The following BLZF1 variants were observed in gnomAD, a reference collection of about 807,000 sequenced individuals.
BLZF1 encodes the protein basic leucine zipper nuclear factor 1.
In BLZF1, 39 loss-of-function variants were observed where a neutral mutation model predicts 43.8. The ratio of observed to expected loss-of-function variants is 0.89; its 90% CI spans 0.69 to 1.16. The LOEUF is 1.16. Among genes scored for constraint, BLZF1 ranks in the 50% most tolerant of loss-of-function variants. The probability of loss-of-function intolerance (pLI) is 0.00; values close to 1 mark genes in which losing one functional copy is unlikely to be tolerated. For synonymous variants in BLZF1, 136 were observed against 159.4 expected (o/e 0.85, Z 1.11); for missense variants, 449 against 469.8 (o/e 0.96, Z 0.41).
At chr1:169,392,961 A>G (rs982248091), downstream of BLZF1, among the ~76,000 whole-genome samples, 2 of 152,166 alleles carry the variant, frequency 1.3e-5, no homozygotes, top group Non-Finnish European at 2.9e-5. Context: ...AAAGAGAAAC[A>G]GAAGTGTTTC....
In BLZF1 at chr1:169,376,941, A is replaced by C; in HGVS notation, c.430A>C (p.Lys144Gln). Residue 144 changes from lysine (K) to glutamine (Q), a missense_variant, in exon 3 of 7, where the codon AAA becomes CAA. By Grantham distance (53) the Lys-to-Gln change is moderately conservative. Transcript: ENST00000367808. ...TTCTGAAAGAAGGTTACTACAGGAC[A>C]AAGAAGGTCTTTCAAACCAGCTCCG... The part of the protein sequence containing the change: ...KNSERRLLQD[K>Q]EGLSNQLRVQ... 1 of 1,613,230 alleles carries C rather than the reference A, an allele frequency of 6.2e-7. No homozygotes were observed. Among genetic ancestry groups the C allele is most frequent in the Non-Finnish European group, 8.5e-7 (1 of 1,179,492 alleles).
At chr1:169,392,102 G>C (rs192280552), downstream of BLZF1, among the ~76,000 whole-genome samples, 200 of 152,264 alleles carry the variant, frequency 1.3e-3, no homozygotes, top group Non-Finnish European at 2.0e-3. Flanking sequence ...CTGCATTAGT[G>C]AGACCTGGCC....
chr1:169,391,605 A>G (rs1654815734), downstream of BLZF1, among the ~76,000 whole-genome samples: 1 of 152,374 alleles, frequency 6.6e-6, no homozygotes, highest in Non-Finnish European at 1.5e-5. Flanking sequence ...AATTATCACC[A>G]GACCAATTCA....
chr1:169,380,464 A>G lies in BLZF1; in HGVS notation c.669-17A>G, dbSNP rs768124390. ...TATTGTCAGCAAATTTATATGTAAG[A>G]TTTTAATCTTTTTCAGGGTAATGGC... On this transcript the variant is annotated splice_polypyrimidine_tract_variant and intron_variant, in intron 4 of 6. Transcript: ENST00000367808. 1.2e-6 allele frequency: 2 copies of G among 1,604,038 alleles called. No homozygotes were observed. Among genetic ancestry groups the G allele is most frequent in the Admixed American group, 3.4e-5 (2 of 58,750 alleles).
intron 7 of BLZF1, among the ~76,000 whole-genome samples, chr1:169,394,126 G>GATC (rs1391115866): frequency 6.6e-6 from 1 of 152,116 alleles, no homozygotes; most frequent in East Asian, 1.9e-4. Flanking sequence ...CAACCATACA[G>GATC]ATCAGTCTAT....
At chr1:169,378,272 T>C (rs1654424365) in intron 3 of BLZF1, 58 bp from the exon 4 acceptor site, 1 of 1,499,134 alleles carries the variant, frequency 6.7e-7, no homozygotes, top group Non-Finnish European at 9.2e-7. Flanking sequence ...TTAATTTTGT[T>C]ACATTAAAGT....
Position 169,382,068 on chromosome 1 carries a change from G to T in BLZF1, c.804G>T (p.Leu268Phe). 1 of 1,612,822 alleles carries T rather than the reference G, an allele frequency of 6.2e-7. No individual in the cohort carries two copies. Among genetic ancestry groups the T allele is most frequent in the Non-Finnish European group, 8.5e-7 (1 of 1,179,160 alleles). Residue 268 changes from leucine (L) to phenylalanine (F), a missense_variant, in exon 6 of 7, where the codon TTG becomes TTT. Transcript: ENST00000367808. Reference sequence around the variant, plus strand: ...TCATGTGTGTTCTATGCAGATTATTGGAGGAGCTCTTAGTTTCCTTGCAAT... The same window carrying T: ...TCATGTGTGTTCTATGCAGATTATTTGAGGAGCTCTTAGTTTCCTTGCAAT... Reference protein sequence around the residue: ...RQEMIATQKLLEELLVSLQWG... With the variant: ...RQEMIATQKLFEELLVSLQWG...
chr1:169,368,204 A>C lies in BLZF1; in HGVS notation c.-189A>C, dbSNP rs548516585. 139 of 180,758 alleles carry C rather than the reference A, an allele frequency of 7.7e-4. 1 individual carries two copies. Among genetic ancestry groups the C allele is most frequent in the African/African-American group, 3.1e-3 (133 of 42,614 alleles). The allele number at this position is 180,758 out of a possible 1,614,324, so 11.2% of individuals were successfully genotyped here. A position where few individuals can be genotyped will look rare whatever the true frequency, so the allele number is the denominator to read the frequency against. ...GTAATCGGAAGTGGTTAGGAGTGAG[A>C]GAGCTGCTGGATATGCGGAGGGACT... On this transcript the variant is annotated 5_prime_UTR_variant, in exon 1 of 7. Coordinates refer to ENST00000367808, the MANE Select transcript of BLZF1 (RefSeq NM_001320973.2).
chr1:169,381,054 T>C (rs903699897), intron 5 of BLZF1, among the ~76,000 whole-genome samples: 1 of 152,066 alleles, frequency 6.6e-6, no homozygotes, highest in Non-Finnish European at 1.5e-5. Flanking sequence ...CATTTTTATA[T>C]AGTTGATTTA....
At chr1:169,369,409 A>T in intron 1 of BLZF1, 64 bp from the exon 2 acceptor site, 2 of 784,174 alleles carry the variant, frequency 2.6e-6, no homozygotes, top group Non-Finnish European at 4.0e-6. Flanking sequence ...TAACTTTTAA[A>T]TTGGAGGTAC....
rs113916610 is a variant in BLZF1 at position 169,368,610 on chromosome 1, G to T, written c.-51+268G>T. Among the ~76,000 whole-genome samples the T allele has an allele frequency of 2.0e-3, 306 of 152,222 alleles. 2 individuals carry two copies. The highest frequency in any genetic ancestry group is 7.0e-3 in the African/African-American group (290 of 41,524). ...ATTTGGCATTTGCCAGCAGGCACTC[G>T]CTGTGCCTGTACGTTTCGCAGAGCA... is the stretch of plus-strand genomic sequence containing the variant. On this transcript the variant is annotated intron_variant, in intron 1 of 6. Coordinates refer to ENST00000367808, the MANE Select transcript of BLZF1 (RefSeq NM_001320973.2).
chr1:169,369,530 C>T lies in BLZF1; in HGVS notation c.8C>T (p.Thr3Ile). 1 of 1,609,392 alleles carries T rather than the reference C, an allele frequency of 6.2e-7. No homozygotes were observed. The highest frequency in any genetic ancestry group is 8.5e-7 in the Non-Finnish European group (1 of 1,177,162). The change falls in exon 2 of 7, where the codon ACT becomes ATT. Residue 3 changes from threonine (T) to isoleucine (I), a missense_variant. Coordinates refer to ENST00000367808, the MANE Select transcript of BLZF1 (RefSeq NM_001320973.2). The part of the protein sequence containing the change: MT[T>I]KNLETKVTVT... ...AGTGGTTAAGGTGAAAAAATGACTA[C>T]TAAAAATTTAGAAACCAAAGGTAAG...
intron 2 of BLZF1, among the ~76,000 whole-genome samples, chr1:169,372,126 G>A (rs1266311677): frequency 6.6e-6 from 1 of 152,064 alleles, no homozygotes. Flanking sequence ...AGTAAATCTC[G>A]ATGTTACTCT....
At chr1:169,370,852 C>G (rs922917376) in intron 2 of BLZF1, among the ~76,000 whole-genome samples, 26 of 152,140 alleles carry the variant, frequency 1.7e-4, no homozygotes, top group African/African-American at 6.3e-4. Flanking sequence ...ATGATTCATA[C>G]CCTTATAGAC....
At chr1:169,392,183 C>G (rs1446821242), downstream of BLZF1, among the ~76,000 whole-genome samples, 1 of 152,038 alleles carries the variant, frequency 6.6e-6, no homozygotes, top group African/African-American at 2.4e-5. Flanking sequence ...AAGCAGTCTA[C>G]AGATTCACTG....
In BLZF1 at chr1:169,382,222, A is replaced by G. The variant is rs753428598; in HGVS notation, c.958A>G (p.Lys320Glu). 6.2e-5 allele frequency: 100 copies of G among 1,613,742 alleles called. No individual in the cohort carries two copies. The highest frequency in any genetic ancestry group is 8.3e-5 in the Non-Finnish European group (98 of 1,179,778). Residue 320 changes from lysine to glutamate, a missense_variant, in exon 6 of 7, where the codon AAA becomes GAA. By Grantham distance (56) the Lys-to-Glu change is moderately conservative. Transcript: ENST00000367808. ...LLGNVGINNQ[K>E]KIPSTVEFCS... Reference sequence around the variant, plus strand: ...GGGAAATGTTGGCATTAACAATCAAAAAAAGATTCCATCAACAGTTGAATT... The same window carrying G: ...GGGAAATGTTGGCATTAACAATCAAGAAAAGATTCCATCAACAGTTGAATT...
chr1:169,368,205 G>A lies in BLZF1; in HGVS notation c.-188G>A. The A allele has an allele frequency of 5.6e-6, 1 of 180,134 alleles. No homozygotes were observed. Among genetic ancestry groups the A allele is most frequent in the Non-Finnish European group, 1.2e-5 (1 of 82,368 alleles). 11.2% of individuals were successfully genotyped at this position (180,134 alleles called of 1,614,324 possible). A position where few individuals can be genotyped will look rare whatever the true frequency, so the allele number is the denominator to read the frequency against. On this transcript the variant is annotated 5_prime_UTR_variant, in exon 1 of 7. Transcript: ENST00000367808. Reference sequence around the variant, plus strand: ...TAATCGGAAGTGGTTAGGAGTGAGAGAGCTGCTGGATATGCGGAGGGACTG... The same window carrying A: ...TAATCGGAAGTGGTTAGGAGTGAGAAAGCTGCTGGATATGCGGAGGGACTG...
intron 2 of BLZF1, among the ~76,000 whole-genome samples, chr1:169,370,307 G>C (rs1193523587): frequency 6.6e-6 from 1 of 152,188 alleles, no homozygotes; most frequent in Non-Finnish European, 1.5e-5. Flanking sequence ...TTCTGAGGTA[G>C]TGGGGGGTTA....
At chr1:169,384,712 C>A (rs1440824876) in intron 6 of BLZF1, among the ~76,000 whole-genome samples, 2 of 152,156 alleles carry the variant, frequency 1.3e-5, no homozygotes, top group Admixed American at 6.5e-5. Flanking sequence ...CTCTGTACCA[C>A]CTTTAAGAAC....
Sources: gnomAD v4.1 joint callset for allele counts (sites outside exome capture counted in the v4.1 genomes callset) on GRCh38, gnomAD v4.1.1 for gene constraint, MANE v1.5 for transcripts, NCBI Gene and HGNC (gene_info 2026-07-23, HGNC 2026-07-21) for gene names.